Variants in GRIA3 observed in about 807,000 individuals in gnomAD.
The protein encoded by GRIA3 is glutamate receptor 3.
In GRIA3, 3 loss-of-function variants were observed where a neutral mutation model predicts 63.0. That is an observed-to-expected ratio of 0.05 (90% confidence interval 0.02 to 0.12). The LOEUF is 0.12. Ranked by LOEUF, GRIA3 falls within the 10% of genes least tolerant of loss-of-function variation. The pLI, the probability that GRIA3 is intolerant of heterozygous loss-of-function variation, is 1.00. For missense variants in GRIA3, 347 were observed against 700.9 expected, an observed-to-expected ratio of 0.50 and a Z score of 5.70; for synonymous variants, 274 against 257.9, an observed-to-expected ratio of 1.06 and a Z score of -0.60.
chrX:123,456,730 TC>T (rs2045763710), intron 12 of GRIA3, among the ~76,000 whole-genome samples: 1 of 111,725 alleles, frequency 9.0e-6, no homozygotes. Context: ...TCATTGGCCT[TC>T]TTTCCTTCTA....
intron 2 of GRIA3, among the ~76,000 whole-genome samples, chrX:123,226,169 T>C (rs1274947941): frequency 9.0e-6 from 1 of 111,481 alleles, no homozygotes; most frequent in Non-Finnish European, 1.9e-5. Flanking sequence ...TGAAGTGTTA[T>C]CATCACCATC....
chrX:123,310,850 A>G (rs2044785855), intron 3 of GRIA3, among the ~76,000 whole-genome samples: 1 of 111,178 alleles, frequency 9.0e-6, no homozygotes, highest in Non-Finnish European at 1.9e-5. Flanking sequence ...TAAAAATACA[A>G]AAACTAGCCA....
At position 123,247,190 on chromosome X, in the gene GRIA3, T is replaced by C. The variant is rs751297246; in HGVS notation, c.269-6113T>C. ...GCAATCATTAAATCAGCAAGAGACT[T>C]CAGTTTCCCTCTTTCCTCCTTGATT... On this transcript the variant is annotated intron_variant, in intron 2 of 15. Transcript: ENST00000620443. Among the ~76,000 whole-genome samples, 107 of 112,448 alleles carry C rather than the reference T, an allele frequency of 9.5e-4. 1 individual carries two copies. Among genetic ancestry groups the C allele is most frequent in the African/African-American group, 3.1e-3 (95 of 30,934 alleles).
intron 10 of GRIA3, among the ~76,000 whole-genome samples, chrX:123,408,741 C>T (rs1301298139): frequency 1.8e-5 from 2 of 112,193 alleles, no homozygotes; most frequent in African/African-American, 3.2e-5. Context: ...CTCCTCCTTC[C>T]CCTGCCTAAA....
chrX:123,362,726 A>AAAG (rs775706344), intron 5 of GRIA3, among the ~76,000 whole-genome samples: 5 of 108,686 alleles, frequency 4.6e-5, no homozygotes, highest in Admixed American at 2.0e-4. Context: ...AAAAAAAAAA[A>AAAG]AGAGAGAGAG....
intron 3 of GRIA3, among the ~76,000 whole-genome samples, chrX:123,293,859 T>C (rs1287842488): frequency 9.0e-6 from 1 of 110,808 alleles, no homozygotes; most frequent in African/African-American, 3.3e-5. Flanking sequence ...TATCTTCCAA[T>C]TTTATAGATT....
At chrX:123,296,306 C>G (rs1455447953) in intron 3 of GRIA3, among the ~76,000 whole-genome samples, 1 of 110,977 alleles carries the variant, frequency 9.0e-6, no homozygotes, top group African/African-American at 3.3e-5. Context: ...TATCTGCAAC[C>G]TGTACTGCCC....
chrX:123,216,558 G>A (rs1215448032), intron 2 of GRIA3, among the ~76,000 whole-genome samples: 1 of 111,378 alleles, frequency 9.0e-6, no homozygotes, highest in African/African-American at 3.3e-5. Flanking sequence ...TCTCAGAGAT[G>A]GAGGGAAGGG....
In GRIA3 at chrX:123,482,855, C is replaced by T. The variant is rs748799037; in HGVS notation, c.2496C>T (p.Val832=). 11 of 1,209,375 alleles carry T rather than the reference C, an allele frequency of 9.1e-6. No individual in the cohort carries two copies. The highest frequency in any genetic ancestry group is 2.3e-4 in the Middle Eastern group (1 of 4,345). The change falls in exon 15 of 16, where the codon GTC becomes GTT. Residue 832 remains valine, a synonymous_variant. Coordinates refer to ENST00000620443, the MANE Select transcript of GRIA3 (RefSeq NM_007325.5). ...TGGCAGGCGTTTTCTATATACTTGT[C>T]GGAGGTCTGGGGCTGGCCATGATGG... The part of the protein sequence containing the change: ...SNVAGVFYIL[V]GGLGLAMMVA...
intron 3 of GRIA3, among the ~76,000 whole-genome samples, chrX:123,309,491 T>C (rs773034324): frequency 3.6e-5 from 4 of 112,318 alleles, no homozygotes; most frequent in Non-Finnish European, 7.5e-5. Context: ...GCTCAAATAA[T>C]AGCTAATAAA....
At chrX:123,199,274 A>ATTTTTTTTTTTTTTTTTTTTTTTTTTTT in intron 2 of GRIA3, among the ~76,000 whole-genome samples, 1 of 78,631 alleles carries the variant, frequency 1.3e-5, no homozygotes, top group Non-Finnish European at 2.4e-5. Context: ...AGTCTTTTAA[A>ATTTTTTTTTTTTTTTTTTTTTTTTTTTT]TTTTTTTTTT....
intron 3 of GRIA3, among the ~76,000 whole-genome samples, chrX:123,256,767 G>A (rs2044422221): frequency 8.9e-6 from 1 of 112,032 alleles, no homozygotes; most frequent in Non-Finnish European, 1.9e-5. Context: ...CATTTCTGTA[G>A]AGAATGGAGT....
chrX:123,253,625 A>C, intron 3 of GRIA3, 83 bp downstream of exon 3: 1 of 764,293 alleles, frequency 1.3e-6, no homozygotes, highest in Non-Finnish European at 2.0e-6. Context: ...CTTTGCTTCC[A>C]ATAAATAAAA....
chrX:123,258,927 CT>C (rs955709493), intron 3 of GRIA3, among the ~76,000 whole-genome samples: 2 of 112,286 alleles, frequency 1.8e-5, no homozygotes, highest in Non-Finnish European at 3.8e-5. Context: ...AATTATTAAG[CT>C]TTCTCCAGTG....
intron 3 of GRIA3, among the ~76,000 whole-genome samples, chrX:123,289,799 T>G (rs1347547646): frequency 2.7e-5 from 3 of 110,534 alleles, no homozygotes; most frequent in Non-Finnish European, 5.7e-5. Flanking sequence ...GTAAATCCAT[T>G]TGGACTGAGA....
intron 6 of GRIA3, among the ~76,000 whole-genome samples, chrX:123,398,308 C>G (rs908588288): frequency 1.8e-5 from 2 of 112,065 alleles, no homozygotes; most frequent in African/African-American, 6.5e-5. Flanking sequence ...TACATGCCAT[C>G]CTTTAACTTC....
intron 13 of GRIA3, among the ~76,000 whole-genome samples, chrX:123,471,083 T>C (rs1161420034): frequency 9.0e-6 from 1 of 111,617 alleles, no homozygotes; most frequent in South Asian, 3.8e-4. Flanking sequence ...CATGATTCTA[T>C]GCTGGTACTG....
intron 2 of GRIA3, among the ~76,000 whole-genome samples, chrX:123,209,942 C>T (rs1035257765): frequency 1.8e-5 from 2 of 110,233 alleles, no homozygotes; most frequent in East Asian, 2.8e-4. Flanking sequence ...CTATTATTAG[C>T]TTAAATGCTG....
chrX:123,197,832 C>T (rs1324203953), intron 2 of GRIA3, among the ~76,000 whole-genome samples: 3 of 112,110 alleles, frequency 2.7e-5, no homozygotes, highest in Admixed American at 9.4e-5. Flanking sequence ...TTCATTGTGC[C>T]GCAGATTCCC....
Sources: allele counts gnomAD v4.1 joint callset (sites outside exome capture counted in the v4.1 genomes callset), GRCh38; gene constraint gnomAD v4.1.1; transcripts MANE v1.5; gene names NCBI Gene and HGNC (gene_info 2026-07-23, HGNC 2026-07-21).